The following PIK3C3 variants were observed in gnomAD, a reference collection of about 807,000 sequenced individuals.
PIK3C3 encodes PI3-kinase type 3.
PIK3C3 carries 95 observed loss-of-function variants against 126.1 expected under a neutral mutation model. The observed-to-expected ratio is 0.75, with a 90% CI of 0.64 to 0.89. The LOEUF is 0.89. Ranked by LOEUF, PIK3C3 falls within the 40% of genes least tolerant of loss-of-function variation. The pLI is 0.00. For missense variants in PIK3C3, 829 were observed against 1,063.2 expected (o/e 0.78, Z 3.06); for synonymous variants, 374 against 360.0 (o/e 1.04, Z -0.44).
At chr18:42,079,224 T>C (rs1393046503) in intron 24 of PIK3C3, among the ~76,000 whole-genome samples, 1 of 152,204 alleles carries the variant, frequency 6.6e-6, no homozygotes, top group Non-Finnish European at 1.5e-5. Flanking sequence ...GAGGCCCTGA[T>C]AGCGTTCTTA....
At chr18:42,029,530 G>C in intron 15 of PIK3C3, 89 bp downstream of exon 15, 2 of 406,232 alleles carry the variant, frequency 4.9e-6, no homozygotes, top group Admixed American at 3.5e-5. Context: ...GGGTTGATAC[G>C]TGAATTTTTT....
chr18:42,065,004 T>C (rs1325143753), intron 23 of PIK3C3, among the ~76,000 whole-genome samples, 174 bp downstream of exon 23: 7 of 152,182 alleles, frequency 4.6e-5, no homozygotes, highest in African/African-American at 1.7e-4. Flanking sequence ...ACTCCAGCCC[T>C]GCAGTCACAG....
At chr18:41,977,045 A>AT (rs1309465788) in intron 4 of PIK3C3, among the ~76,000 whole-genome samples, 4 of 152,206 alleles carry the variant, frequency 2.6e-5, no homozygotes. Context: ...AAAATTGAAA[A>AT]TAGGAGAAAA....
intron 1 of PIK3C3, among the ~76,000 whole-genome samples, chr18:41,955,867 G>A (rs1340371144): frequency 2.0e-5 from 2 of 98,288 alleles, no homozygotes; most frequent in Non-Finnish European, 3.8e-5. Flanking sequence ...TAGTATGGCA[G>A]TGTTTAGTCA....
chr18:41,989,786 CA>C (rs1981684039), intron 5 of PIK3C3, among the ~76,000 whole-genome samples: 1 of 152,136 alleles, frequency 6.6e-6, no homozygotes, highest in Admixed American at 6.6e-5. Context: ...TCAGAATGTA[CA>C]CCTGTCGTTA....
intron 9 of PIK3C3, among the ~76,000 whole-genome samples, chr18:41,999,699 G>C (rs765424024): frequency 5.9e-5 from 9 of 152,102 alleles, no homozygotes; most frequent in Non-Finnish European, 1.2e-4. Flanking sequence ...CATAGTAATT[G>C]ATTAAGGGTC....
chr18:42,040,638 A>G (rs763299100), intron 18 of PIK3C3, 39 bp from the exon 19 acceptor site: 6 of 1,355,256 alleles, frequency 4.4e-6, no homozygotes, highest in Non-Finnish European at 6.3e-6. Flanking sequence ...TTTCTTAACC[A>G]GTAGCTATGC....
chr18:41,989,336 A>G (rs1473977821), intron 5 of PIK3C3, among the ~76,000 whole-genome samples: 4 of 152,084 alleles, frequency 2.6e-5, no homozygotes, highest in Non-Finnish European at 5.9e-5. Flanking sequence ...ACGTGCTAGG[A>G]TTACAAGTGT....
chr18:41,968,480 T>C (rs548227942), intron 3 of PIK3C3, among the ~76,000 whole-genome samples: 1 of 152,324 alleles, frequency 6.6e-6, no homozygotes, highest in East Asian at 1.9e-4. Flanking sequence ...AGAATTTTGA[T>C]TTATCACAGC....
Position 41,987,875 on chromosome 18 carries a change from A to G in PIK3C3, c.595A>G (p.Arg199Gly). 1 of 1,596,384 alleles carries G rather than the reference A, an allele frequency of 6.3e-7. No homozygotes were observed. Among genetic ancestry groups the G allele is most frequent in the Non-Finnish European group, 8.6e-7 (1 of 1,168,116 alleles). The stretch of plus-strand genomic sequence containing the variant: ...AGATTGGCTGGATAGATTGACATTT[A>G]GAGAAATAGAAATGATAAATGAGGT... Reference protein sequence around the residue: ...KVDWLDRLTFREIEMINESEK... With the variant: ...KVDWLDRLTFGEIEMINESEK... Residue 199 changes from arginine to glycine, a missense_variant, in exon 5 of 25, where the codon AGA becomes GGA. By Grantham distance (125) the Arg-to-Gly change is moderately radical. Around this residue, in one of 4 missense-constraint regions of PIK3C3, gnomAD observed 313 missense variants for 340.7 expected, o/e 0.92. Coordinates refer to ENST00000262039, the MANE Select transcript of PIK3C3 (RefSeq NM_002647.4).
At chr18:42,028,636 C>G (rs1225147771) in intron 14 of PIK3C3, among the ~76,000 whole-genome samples, 1 of 152,178 alleles carries the variant, frequency 6.6e-6, no homozygotes, top group East Asian at 1.9e-4. Flanking sequence ...GCCTTTGGTC[C>G]TCTCCTCTAA....
intron 6 of PIK3C3, 30 bp downstream of exon 6, chr18:41,990,584 T>C: frequency 8.6e-7 from 1 of 1,165,798 alleles, no homozygotes; most frequent in Non-Finnish European, 1.3e-6. Flanking sequence ...TTTTGGTCTC[T>C]AAAGTAGAGG....
rs539502522 is a variant in PIK3C3 at position 42,036,420 on chromosome 18, G to T, written c.1840-1272G>T. Among the ~76,000 whole-genome samples, 6 of 150,962 alleles carry T rather than the reference G, an allele frequency of 4.0e-5. No homozygotes were observed. In the South Asian group the frequency reaches 1.0e-3, roughly 26 times the overall value. On this transcript the variant is annotated intron_variant, in intron 16 of 24. Coordinates refer to ENST00000262039, the MANE Select transcript of PIK3C3 (RefSeq NM_002647.4). ...GGTTATTACCATTTTTTTTGTTTTT[G>T]TTTTTAAATTTCTTTGACTCATTTT...
intron 5 of PIK3C3, 57 bp from the exon 6 acceptor site, chr18:41,990,402 T>C (rs1981715921): frequency 1.2e-5 from 12 of 965,112 alleles, no homozygotes; most frequent in Non-Finnish European, 2.0e-5. Context: ...TACATACTGA[T>C]CCTTTAAGAG....
chr18:41,988,554 G>T (rs1981611909), intron 5 of PIK3C3, among the ~76,000 whole-genome samples: 2 of 152,174 alleles, frequency 1.3e-5, no homozygotes, highest in East Asian at 1.9e-4. Flanking sequence ...AGGAGAGAAG[G>T]ACATCAATTT....
chr18:41,967,115 T>C (rs1361914659), intron 3 of PIK3C3, among the ~76,000 whole-genome samples: 2 of 152,186 alleles, frequency 1.3e-5, no homozygotes, highest in African/African-American at 4.8e-5. Context: ...AAGCCAGGCA[T>C]TTCCTAGTCC....
Position 42,004,349 on chromosome 18 carries a change from A to G in PIK3C3, c.985-7A>G. 1 of 1,604,690 alleles carries G rather than the reference A, an allele frequency of 6.2e-7. No homozygotes were observed. The highest frequency in any genetic ancestry group is 8.5e-7 in the Non-Finnish European group (1 of 1,175,164). ...GTTTCTAATTTTTAAATATTTTCTG[A>G]TTTTAGGCCTTGACAAAATTCTTGA... On this transcript the variant is annotated splice_polypyrimidine_tract_variant and splice_region_variant and intron_variant, in intron 9 of 24. Transcript: ENST00000262039.
Position 42,064,785 on chromosome 18 carries a change from A to G in PIK3C3, c.2478A>G (p.Ala826=). The change falls in exon 23 of 25, where the codon GCA becomes GCG. Residue 826 remains alanine, a synonymous_variant. Coordinates refer to ENST00000262039, the MANE Select transcript of PIK3C3 (RefSeq NM_002647.4). ...ILNLFSLMVD[A]NIPDIALEPD... is the part of the protein sequence containing the mutation. ...ACTTGTTTTCCTTGATGGTTGATGC[A>G]AACATTCCAGATATTGCACTTGAAC... 6.2e-7 allele frequency: 1 copy of G among 1,607,492 alleles called. No homozygotes were observed. The highest frequency in any genetic ancestry group is 8.5e-7 in the Non-Finnish European group (1 of 1,174,170).
chr18:42,046,669 T>C (rs1370286339), intron 20 of PIK3C3, among the ~76,000 whole-genome samples: 1 of 152,168 alleles, frequency 6.6e-6, no homozygotes, highest in East Asian at 1.9e-4. Context: ...CAAATTTATT[T>C]CAGGTCATCT....
Sources: gnomAD v4.1 joint callset for allele counts (sites outside exome capture counted in the v4.1 genomes callset) on GRCh38, gnomAD v4.1.1 for gene constraint, gnomAD v4.1.1 regional missense constraint, MANE v1.5 for transcripts, NCBI Gene and HGNC (gene_info 2026-07-23, HGNC 2026-07-21) for gene names.